DNAH11: variants seen among roughly 807,000 people sequenced by gnomAD.
DNAH11 encodes dynein axonemal heavy chain 11.
A neutral mutation model predicts 526.0 loss-of-function variants in DNAH11; 442 were observed. The observed-to-expected ratio is 0.84, with a 90% CI of 0.78 to 0.91. The LOEUF is 0.91. Ranked by LOEUF, DNAH11 falls within the 40% of genes least tolerant of loss-of-function variation. The pLI is 0.00. For missense variants in DNAH11, 6,989 were observed against 5,448.7 expected (o/e 1.28, Z -8.90); for synonymous variants, 2,461 against 1,935.9 (o/e 1.27, Z -7.12).
intron 30 of DNAH11, among the ~76,000 whole-genome samples, chr7:21,670,984 A>G (rs575105659): frequency 1.9e-4 from 29 of 151,998 alleles, no homozygotes; most frequent in African/African-American, 7.0e-4. Flanking sequence ...TTCTTTTTCT[A>G]TGATATCTTT....
intron 56 of DNAH11, among the ~76,000 whole-genome samples, chr7:21,776,397 G>A (rs921861937): frequency 6.6e-6 from 1 of 152,214 alleles, no homozygotes; most frequent in Non-Finnish European, 1.5e-5. Flanking sequence ...TTCCTATGTG[G>A]AGAATTGGAG....
At chr7:21,698,873 C>G (rs1364271537) in intron 36 of DNAH11, among the ~76,000 whole-genome samples, 1 of 152,122 alleles carries the variant, frequency 6.6e-6, no homozygotes, top group Non-Finnish European at 1.5e-5. Context: ...CCTTTAAAAA[C>G]TAAAACTACC....
intron 30 of DNAH11, among the ~76,000 whole-genome samples, chr7:21,675,856 A>G (rs945127187): frequency 6.6e-6 from 1 of 152,170 alleles, no homozygotes; most frequent in Non-Finnish European, 1.5e-5. Context: ...AAAGATAATA[A>G]AATAGAAACA....
chr7:21,612,154 A>G (rs1376103224), intron 20 of DNAH11, among the ~76,000 whole-genome samples: 2 of 152,224 alleles, frequency 1.3e-5, no homozygotes, highest in African/African-American at 4.8e-5. Flanking sequence ...ATTTACCAAA[A>G]CTGTCTCAGT....
chr7:21,742,512 C>T (rs1042308952), intron 49 of DNAH11, among the ~76,000 whole-genome samples: 9 of 152,110 alleles, frequency 5.9e-5, no homozygotes, highest in African/African-American at 9.7e-5. Flanking sequence ...TCACTTATTA[C>T]GGAGGGGATG....
At chr7:21,855,294 G>A (rs1385439259) in intron 68 of DNAH11, among the ~76,000 whole-genome samples, 1 of 152,142 alleles carries the variant, frequency 6.6e-6, no homozygotes, top group African/African-American at 2.4e-5. Context: ...GCCTCCCAAA[G>A]TGTTGGGATT....
chr7:21,564,117 T>C (rs551031127), intron 5 of DNAH11, 69 bp from the exon 6 acceptor site: 23 of 1,212,462 alleles, frequency 1.9e-5, no homozygotes, highest in Non-Finnish European at 2.6e-5. Flanking sequence ...CTCTTCTACA[T>C]GTAAAGTGAA....
At chr7:21,719,542 T>A (rs1784796437) in intron 43 of DNAH11, among the ~76,000 whole-genome samples, 1 of 152,220 alleles carries the variant, frequency 6.6e-6, no homozygotes, top group Non-Finnish European at 1.5e-5. Flanking sequence ...TAGAACAACA[T>A]GGCTTCTACT....
intron 25 of DNAH11, among the ~76,000 whole-genome samples, chr7:21,623,364 G>C (rs935161228): frequency 1.3e-4 from 20 of 151,966 alleles, no homozygotes; most frequent in Middle Eastern, 3.4e-3. Flanking sequence ...TACACTGTTG[G>C]TGGGACTGTA....
chr7:21,615,315 C>A (rs1224571614), intron 21 of DNAH11, 43 bp downstream of exon 21: 2 of 1,595,868 alleles, frequency 1.3e-6, no homozygotes, highest in East Asian at 2.3e-5. Flanking sequence ...TTTAGTAGTT[C>A]TTTTACATAT....
chr7:21,807,512 C>G (rs1485076574), intron 62 of DNAH11, among the ~76,000 whole-genome samples: 1 of 152,278 alleles, frequency 6.6e-6, no homozygotes, highest in Middle Eastern at 3.4e-3. Context: ...AATAAATAAT[C>G]TTAACATCAC....
chr7:21,760,211 C>T (rs889958982), intron 54 of DNAH11, among the ~76,000 whole-genome samples: 3 of 152,068 alleles, frequency 2.0e-5, no homozygotes, highest in Non-Finnish European at 4.4e-5. Flanking sequence ...AGGGCTTTTT[C>T]CCCAAATGTC....
chr7:21,686,729 C>G (rs1262083668), intron 32 of DNAH11, among the ~76,000 whole-genome samples: 3 of 152,134 alleles, frequency 2.0e-5, no homozygotes, highest in Non-Finnish European at 2.9e-5. Flanking sequence ...GACTTCTCTT[C>G]TACTTTTCCT....
In DNAH11 at chr7:21,801,193, G is replaced by A; in HGVS notation, c.10083G>A (p.Glu3361=). The change falls in exon 62 of 82, where the codon GAG becomes GAA. Residue 3361 remains glutamate, a synonymous_variant. Coordinates refer to ENST00000409508, the MANE Select transcript of DNAH11 (RefSeq NM_001277115.2). ...LTASFEKATA[E]KVRCQEEVNQ... is the part of the protein sequence containing the mutation. ...CTTCATTTGAAAAAGCAACAGCTGA[G>A]AAAGTCCGGTGTCAAGAAGAGGTGA... 6.2e-7 allele frequency: 1 copy of A among 1,613,302 alleles called. No homozygotes were observed. The highest frequency in any genetic ancestry group is 8.5e-7 in the Non-Finnish European group (1 of 1,179,586).
intron 28 of DNAH11, among the ~76,000 whole-genome samples, chr7:21,640,854 C>A (rs1036741356): frequency 2.0e-5 from 3 of 152,082 alleles, no homozygotes; most frequent in Non-Finnish European, 4.4e-5. Context: ...TTTTTCATCC[C>A]CCGTCTCTGT....
chr7:21,711,565 A>C, intron 41 of DNAH11, 147 bp from the exon 42 acceptor site: 1 of 1,109,652 alleles, frequency 9.0e-7, no homozygotes, highest in Non-Finnish European at 1.2e-6. Context: ...CTCAGGGGTG[A>C]GCTTAGATCT....
intron 1 of DNAH11, chr7:21,543,862 A>G (rs1782699008): frequency 2.0e-6 from 1 of 507,568 alleles, no homozygotes. Flanking sequence ...ATAACCCAAG[A>G]ACACCAGCGC....
At chr7:21,684,238 T>C (rs556903702) in intron 32 of DNAH11, among the ~76,000 whole-genome samples, 4 of 152,324 alleles carry the variant, frequency 2.6e-5, no homozygotes, top group African/African-American at 7.2e-5. Flanking sequence ...AGGATTCCTT[T>C]ACTGAAAGTG....
chr7:21,598,452 G>A (rs755973122), intron 14 of DNAH11, among the ~76,000 whole-genome samples: 7 of 152,070 alleles, frequency 4.6e-5, no homozygotes, highest in South Asian at 2.1e-4. Context: ...CCATTGTGTC[G>A]CCCAAACTCT....
Sources: gnomAD v4.1 joint callset for allele counts (sites outside exome capture counted in the v4.1 genomes callset) on GRCh38, gnomAD v4.1.1 for gene constraint, MANE v1.5 for transcripts, NCBI Gene and HGNC (gene_info 2026-07-23, HGNC 2026-07-21) for gene names.